GBF1: variants seen among roughly 807,000 people sequenced by gnomAD.
GBF1 encodes the protein golgi brefeldin A resistant guanine nucleotide exchange factor 1.
In GBF1, 114 loss-of-function variants were observed where a neutral mutation model predicts 210.5. The observed-to-expected ratio is 0.54, with a 90% CI of 0.47 to 0.63. The LOEUF is 0.63. Among genes scored for constraint, GBF1 ranks in the 30% least tolerant of loss-of-function variants. The pLI, the probability that GBF1 is intolerant of heterozygous loss-of-function variation, is 0.00. For synonymous variants in GBF1, 850 were observed against 889.2 expected (o/e 0.96, Z 0.78); for missense variants, 1,851 against 2,357.7 (o/e 0.79, Z 4.45).
chr10:102,275,543 A>G (rs1441592316), intron 3 of GBF1, among the ~76,000 whole-genome samples: 1 of 152,198 alleles, frequency 6.6e-6, no homozygotes, highest in Non-Finnish European at 1.5e-5. Flanking sequence ...AGAACTTTCT[A>G]AAAGAGAAAG....
At chr10:102,337,320 A>G (rs1363034551) in intron 3 of GBF1, among the ~76,000 whole-genome samples, 1 of 123,398 alleles carries the variant, frequency 8.1e-6, no homozygotes, top group Non-Finnish European at 1.7e-5. Context: ...CAGTGAGCCA[A>G]GATCTCGCCA....
chr10:102,369,271 A>G lies in GBF1; in HGVS notation c.3034A>G (p.Thr1012Ala). 1 of 1,613,686 alleles carries G rather than the reference A, an allele frequency of 6.2e-7. No homozygotes were observed. ...CCCTAAAGCCCATATTGCAGCCAAG[A>G]CAGTATTCCATTTGGCCCATCGTCA... Reference protein sequence around the residue: ...SNPKAHIAAKTVFHLAHRHGD... With the variant: ...SNPKAHIAAKAVFHLAHRHGD... The change falls in exon 24 of 40, where the codon ACA (threonine) becomes GCA (alanine). Residue 1012 changes from threonine to alanine, a missense_variant. By Grantham distance (58) the Thr-to-Ala change is moderately conservative. This residue lies in a region of GBF1 where 967 missense variants were observed against 1,247.7 expected (regional missense o/e 0.78). Coordinates refer to ENST00000369983, the MANE Select transcript of GBF1 (RefSeq NM_001377137.1).
In GBF1 at chr10:102,367,447, A is replaced by G. The variant is rs770854449; in HGVS notation, c.2560-31A>G. 12 of 1,423,098 alleles carry G rather than the reference A, an allele frequency of 8.4e-6. 1 individual carries two copies. The South Asian group carries it at 1.3e-4, about 15-fold the overall frequency. The allele number at this position is 1,423,098 out of a possible 1,614,324, so 88.2% of individuals were successfully genotyped here. A position where few individuals can be genotyped will look rare whatever the true frequency, so the allele number is the denominator to read the frequency against. On this transcript the variant is annotated intron_variant, in intron 20 of 39. Coordinates refer to ENST00000369983, the MANE Select transcript of GBF1 (RefSeq NM_001377137.1). The stretch of plus-strand genomic sequence containing the variant: ...TTAGGTGGGGCTTCAGTGTTGACAC[A>G]AGGGGAAAAAACTTACTGGCCTGTC...
At chr10:102,340,912 G>C (rs935165499) in intron 3 of GBF1, among the ~76,000 whole-genome samples, 2 of 152,154 alleles carry the variant, frequency 1.3e-5, no homozygotes, top group Non-Finnish European at 2.9e-5. Context: ...ATTAGGCAGA[G>C]TCAATTTAGA....
chr10:102,284,229 G>A (rs867069679), intron 3 of GBF1, among the ~76,000 whole-genome samples: 12 of 152,088 alleles, frequency 7.9e-5, no homozygotes, highest in South Asian at 2.1e-4. Context: ...AGAGATAAGA[G>A]GATCTTTACT....
At position 102,334,034 on chromosome 10, in the gene GBF1, G is replaced by A. The variant is rs551716734; in HGVS notation, c.164-10017G>A. Among the ~76,000 whole-genome samples, 5 of 152,192 alleles carry A rather than the reference G, an allele frequency of 3.3e-5. No homozygotes were observed. The South Asian group carries it at 8.3e-4, about 25-fold the overall frequency. On this transcript the variant is annotated intron_variant, in intron 3 of 39. Transcript: ENST00000369983. The stretch of plus-strand genomic sequence containing the variant: ...TTTTTTATCATGCTATGATTTATTA[G>A]TCTGTTATACATGATCCATCTTGTG...
intron 3 of GBF1, among the ~76,000 whole-genome samples, chr10:102,276,747 T>C (rs2075019256): frequency 6.6e-6 from 1 of 152,012 alleles, no homozygotes; most frequent in Non-Finnish European, 1.5e-5. Context: ...TTGGTAATAG[T>C]CTAACAAAAG....
chr10:102,367,512 G>T lies in GBF1; in HGVS notation c.2594G>T (p.Gly865Val). The T allele has an allele frequency of 6.2e-7, 1 of 1,611,256 alleles. No homozygotes were observed. The highest frequency in any genetic ancestry group is 8.5e-7 in the Non-Finnish European group (1 of 1,177,384). The change falls in exon 21 of 40, where the codon GGC (glycine) becomes GTC (valine). Residue 865 changes from glycine to valine, a missense_variant. By Grantham distance (109) the Gly-to-Val change is moderately radical (BLOSUM62 -3). Coordinates refer to ENST00000369983, the MANE Select transcript of GBF1 (RefSeq NM_001377137.1). ...AAAAATCTGAAAGGTGTGAATGGAG[G>T]CAAGGACTTTGAGCAAGACATCCTG... ...FRKNLKGVNG[G>V]KDFEQDILED...
rs775844296 is a variant in GBF1, at chr10:102,352,546, C to G, written c.584+28C>G. On this transcript the variant is annotated intron_variant, in intron 7 of 39. Coordinates refer to ENST00000369983, the MANE Select transcript of GBF1 (RefSeq NM_001377137.1). ...AAACCTGCTGCTGTTTGCTTCAGCC[C>G]GGCTGCCCAGGCCTCTTGAGTCTGC... 16 of 1,551,088 alleles carry G rather than the reference C, an allele frequency of 1.0e-5. No homozygotes were observed. The East Asian group carries it at 1.6e-4, about 15-fold the overall frequency.
intron 3 of GBF1, among the ~76,000 whole-genome samples, chr10:102,270,857 C>T (rs565127052): frequency 4.4e-4 from 67 of 152,004 alleles, no homozygotes; most frequent in African/African-American, 1.5e-3. Flanking sequence ...TCTTTTTAGA[C>T]GTTTTATTTT....
chr10:102,263,915 C>T (rs2073543118), intron 3 of GBF1, among the ~76,000 whole-genome samples: 1 of 152,184 alleles, frequency 6.6e-6, no homozygotes, highest in South Asian at 2.1e-4. Context: ...GACTGCTGTC[C>T]CTCATTTGGT....
the GBF1 span, among the ~76,000 whole-genome samples, chr10:102,234,682 A>G: frequency 4.6e-5 from 7 of 152,192 alleles, no homozygotes; most frequent in South Asian, 1.5e-3. Context: ...TGAAATGCAA[A>G]TCATCCCCCT....
chr10:102,368,373 G>A lies in GBF1; in HGVS notation c.2798G>A (p.Gly933Asp). 1 of 1,614,046 alleles carries A rather than the reference G, an allele frequency of 6.2e-7. No individual in the cohort carries two copies. Among genetic ancestry groups the A allele is most frequent in the Non-Finnish European group, 8.5e-7 (1 of 1,179,904 alleles). Residue 933 changes from glycine (G) to aspartate (D), a missense_variant, in exon 22 of 40, where the codon GGC (glycine) becomes GAC (aspartate). Physicochemically the swap from Gly to Asp is moderately conservative, Grantham distance 94. Coordinates refer to ENST00000369983, the MANE Select transcript of GBF1 (RefSeq NM_001377137.1). ...CTTGACCTCTTCACCATGACCTGGG[G>A]CCCCACTATTGCTGCTCTCTCTTAT... ...YDLDLFTMTW[G>D]PTIAALSYVF...
the GBF1 span, chr10:102,232,131 T>TA: frequency 2.6e-6 from 3 of 1,164,312 alleles, no homozygotes; most frequent in South Asian, 1.3e-5. Context: ...GTAATGGGGG[T>TA]AAAATCTCCG....
chr10:102,305,301 C>A (rs1299405086), intron 3 of GBF1, among the ~76,000 whole-genome samples: 1 of 151,772 alleles, frequency 6.6e-6, no homozygotes, highest in African/African-American at 2.4e-5. Context: ...CTGGACAAAT[C>A]TTTCTCCTAG....
chr10:102,232,102 A>G, the GBF1 span: 1 of 1,475,412 alleles, frequency 6.8e-7, no homozygotes, highest in Non-Finnish European at 9.3e-7. Context: ...TCTGGAGGCG[A>G]GAGAAGACAC....
At chr10:102,327,081 C>T (rs1409152730) in intron 3 of GBF1, among the ~76,000 whole-genome samples, 1 of 152,154 alleles carries the variant, frequency 6.6e-6, no homozygotes, top group Admixed American at 6.6e-5. Flanking sequence ...AGTCTCTAAT[C>T]GGCATCCATT....
chr10:102,237,214 G>A, the GBF1 span, among the ~76,000 whole-genome samples: 1 of 152,136 alleles, frequency 6.6e-6, no homozygotes, highest in Non-Finnish European at 1.5e-5. Context: ...GGACCGCATG[G>A]GTCTGACTCC....
At chr10:102,252,880 G>T (rs2071760100) in intron 1 of GBF1, among the ~76,000 whole-genome samples, 1 of 151,758 alleles carries the variant, frequency 6.6e-6, no homozygotes, top group Non-Finnish European at 1.5e-5. Flanking sequence ...ACTTTTTAGG[G>T]TCTTTTATTT....
Sources: gnomAD v4.1 joint callset for allele counts (sites outside exome capture counted in the v4.1 genomes callset) on GRCh38, gnomAD v4.1.1 for gene constraint, gnomAD v4.1.1 regional missense constraint, MANE v1.5 for transcripts, NCBI Gene and HGNC (gene_info 2026-07-23, HGNC 2026-07-21) for gene names.